The following FRMPD4 variants were observed in gnomAD, a reference collection of about 807,000 sequenced individuals.
FRMPD4 encodes FERM and PDZ domain-containing protein 4.
A neutral mutation model predicts 94.1 loss-of-function variants in FRMPD4; 22 were observed. The ratio of observed to expected loss-of-function variants is 0.23; its 90% CI spans 0.17 to 0.33. The LOEUF (loss-of-function observed/expected upper bound fraction) is 0.33. Ranked by LOEUF, FRMPD4 falls within the 10% of genes least tolerant of loss-of-function variation. The pLI is 1.00. For synonymous variants in FRMPD4, 631 were observed against 548.6 expected, an observed-to-expected ratio of 1.15 and a Z score of -2.10; for missense variants, 1,111 against 1,339.9, an observed-to-expected ratio of 0.83 and a Z score of 2.67.
intron 3 of FRMPD4, among the ~76,000 whole-genome samples, chrX:11,978,045 G>A (rs951798129): frequency 2.7e-5 from 3 of 109,647 alleles, no homozygotes; most frequent in South Asian, 4.1e-4. Context: ...AGTTCCGGCC[G>A]GGCTCGGTGG....
chrX:12,168,344 A>T (rs189654097), intron 1 of FRMPD4, among the ~76,000 whole-genome samples: 42 of 98,815 alleles, frequency 4.3e-4, no homozygotes, highest in African/African-American at 1.5e-3. Flanking sequence ...TATCCTGCTA[A>T]TAGGGATTCA....
intron 1 of FRMPD4, among the ~76,000 whole-genome samples, chrX:12,492,567 T>C (rs2057803950): frequency 8.9e-6 from 1 of 112,430 alleles, no homozygotes; most frequent in African/African-American, 3.2e-5. Context: ...TTTTTGAGCA[T>C]CTGCTTTCAT....
intron 2 of FRMPD4, among the ~76,000 whole-genome samples, chrX:12,513,457 C>G (rs1273761982): frequency 8.9e-6 from 1 of 111,982 alleles, no homozygotes; most frequent in Non-Finnish European, 1.9e-5. Flanking sequence ...CTCCCAGCAC[C>G]ATTTATTAAA....
At chrX:12,312,850 C>G (rs773261647) in intron 1 of FRMPD4, among the ~76,000 whole-genome samples, 2 of 111,185 alleles carry the variant, frequency 1.8e-5, no homozygotes, top group Admixed American at 9.6e-5. Flanking sequence ...CCTGCCCTCA[C>G]TACAGAGTAG....
intron 1 of FRMPD4, among the ~76,000 whole-genome samples, chrX:12,435,199 T>A (rs1436526250): frequency 8.9e-6 from 1 of 111,866 alleles, no homozygotes; most frequent in Non-Finnish European, 1.9e-5. Context: ...TATTACGTAC[T>A]CTAACTGGTT....
chrX:12,353,709 A>G (rs2055849565), intron 1 of FRMPD4, among the ~76,000 whole-genome samples: 1 of 112,593 alleles, frequency 8.9e-6, no homozygotes, highest in Non-Finnish European at 1.9e-5. Context: ...TCTGATGTCT[A>G]ACATCTTATT....
intron 1 of FRMPD4, among the ~76,000 whole-genome samples, chrX:12,311,103 G>A (rs965600917): frequency 2.7e-5 from 3 of 110,803 alleles, no homozygotes; most frequent in Non-Finnish European, 5.7e-5. Flanking sequence ...ATTTTTTGGC[G>A]GGGCAGGGGG....
rs746244623 is a variant in FRMPD4 at position 11,994,338 on chromosome X, C to T, written c.95+116320C>T. On this transcript the variant is annotated intron_variant, in intron 3 of 18. Coordinates refer to the FRMPD4 transcript ENST00000640291. ...AAGTCAGAGGGATGTTATTTTTTCC[C>T]AAAATTACTCCCCTAATGGCCTGTG... is the stretch of plus-strand genomic sequence containing the variant. Among the ~76,000 whole-genome samples, 5 of 111,031 alleles carry T rather than the reference C, an allele frequency of 4.5e-5. No individual in the cohort carries two copies. The East Asian group carries it at 8.6e-4, about 19-fold the overall frequency.
At chrX:12,708,102 A>T (rs1188801293) in intron 13 of FRMPD4, among the ~76,000 whole-genome samples, 2 of 111,899 alleles carry the variant, frequency 1.8e-5, no homozygotes, top group Non-Finnish European at 3.8e-5. Flanking sequence ...GTTTTAGTTC[A>T]TCTGTCTTCT....
intron 1 of FRMPD4, among the ~76,000 whole-genome samples, chrX:11,848,619 A>G (rs184503916): frequency 5.3e-4 from 58 of 108,937 alleles, no homozygotes; most frequent in African/African-American, 1.8e-3. Flanking sequence ...TCTGCTGTGC[A>G]TGTGCAGACT....
rs1287664345 is a variant in FRMPD4 at position 12,227,997 on chromosome X, C to G, written c.41+88985C>G. ...CCCAACCCCAACAAAATTGATTCAT[C>G]TATGTCTATAAATTTTCTGTTTCTG... On this transcript the variant is annotated intron_variant, in intron 1 of 16. Transcript: ENST00000675598. 2.7e-5 allele frequency among the ~76,000 whole-genome samples: 3 copies of G among 111,823 alleles called. No individual in the cohort carries two copies. The East Asian group carries it at 8.4e-4, about 31-fold the overall frequency.
At chrX:12,547,970 T>G (rs1439767093) in intron 2 of FRMPD4, among the ~76,000 whole-genome samples, 1 of 112,513 alleles carries the variant, frequency 8.9e-6, no homozygotes, top group African/African-American at 3.2e-5. Context: ...ATATCAAAGA[T>G]ACACTGCAGA....
intron 4 of FRMPD4, among the ~76,000 whole-genome samples, chrX:12,631,881 T>C (rs955840662): frequency 1.3e-4 from 15 of 111,952 alleles, no homozygotes; most frequent in African/African-American, 4.9e-4. Flanking sequence ...TTGTTCAAAT[T>C]ACTATTCTGG....
At chrX:12,234,073 G>A (rs1408597106) in intron 1 of FRMPD4, among the ~76,000 whole-genome samples, 1 of 110,712 alleles carries the variant, frequency 9.0e-6, no homozygotes, top group African/African-American at 3.3e-5. Flanking sequence ...TGGCCTATGG[G>A]GTTTGGCAAG....
intron 2 of FRMPD4, among the ~76,000 whole-genome samples, chrX:12,563,084 A>G (rs1215123028): frequency 8.9e-6 from 1 of 112,270 alleles, no homozygotes; most frequent in Non-Finnish European, 1.9e-5. Flanking sequence ...TCTAGCAAAA[A>G]CAAAGTAAAC....
chrX:11,894,137 G>T (rs73497318), intron 3 of FRMPD4, among the ~76,000 whole-genome samples: 7 of 111,644 alleles, frequency 6.3e-5, no homozygotes, highest in African/African-American at 2.3e-4. Flanking sequence ...CTGACCACCT[G>T]CACTCTGAAC....
chrX:12,250,596 A>G (rs753997849), intron 1 of FRMPD4, among the ~76,000 whole-genome samples: 1 of 112,440 alleles, frequency 8.9e-6, no homozygotes, highest in East Asian at 2.8e-4. Flanking sequence ...AATTAATTTT[A>G]TAGAATGATG....
intron 9 of FRMPD4, among the ~76,000 whole-genome samples, chrX:12,699,605 G>A (rs2060167636): frequency 8.9e-6 from 1 of 112,258 alleles, no homozygotes; most frequent in African/African-American, 3.2e-5. Context: ...AATATAGGAA[G>A]CGGTTATAAA....
chrX:12,608,061 G>A (rs1392197070), intron 2 of FRMPD4, among the ~76,000 whole-genome samples: 7 of 112,642 alleles, frequency 6.2e-5, no homozygotes, highest in Non-Finnish European at 1.3e-4. Flanking sequence ...ACTTATTGAA[G>A]AAGATTACAG....
Sources: gnomAD v4.1 joint callset for allele counts (sites outside exome capture counted in the v4.1 genomes callset) on GRCh38, gnomAD v4.1.1 for gene constraint, MANE v1.5 for transcripts, NCBI Gene and HGNC (gene_info 2026-07-23, HGNC 2026-07-21) for gene names.